Variants in NT5E observed in about 807,000 individuals in gnomAD.
NT5E encodes 5'-nucleotidase.
In NT5E, 53 loss-of-function variants were observed where a neutral mutation model predicts 55.1. That is an observed-to-expected ratio of 0.96 (90% CI 0.77 to 1.21). The LOEUF (loss-of-function observed/expected upper bound fraction) is 1.21. Ranked by LOEUF, NT5E falls within the 50% of genes most tolerant of loss-of-function variation. The probability of loss-of-function intolerance (pLI) is 0.00; values close to 1 mark genes in which losing one functional copy is unlikely to be tolerated. For missense variants in NT5E, 683 were observed against 724.3 expected (o/e 0.94, Z 0.65); for synonymous variants, 270 against 278.4 (o/e 0.97, Z 0.30).
rs117073563 is a variant in NT5E at position 85,460,711 on chromosome 6, A to C, written c.340-6349A>C. On this transcript the variant is annotated intron_variant, in intron 1 of 8. Transcript: ENST00000257770. The stretch of plus-strand genomic sequence containing the variant: ...TCTCCATTTACTCTTTTCACCTGTA[A>C]ATGAATGCTGCCGTTGGTATTGAGA... 5.9e-3 allele frequency among the ~76,000 whole-genome samples: 896 copies of C among 152,266 alleles called. 11 individuals carry two copies. The highest frequency in any genetic ancestry group is 8.4e-3 in the Non-Finnish European group (574 of 68,022).
At chr6:85,468,169 A>G (rs1021270600) in intron 2 of NT5E, among the ~76,000 whole-genome samples, 1 of 152,256 alleles carries the variant, frequency 6.6e-6, no homozygotes, top group African/African-American at 2.4e-5. Context: ...TCAAAAATAT[A>G]TATTTACTGT....
chr6:85,467,056 C>G lies in NT5E; in HGVS notation c.340-4C>G. On this transcript the variant is annotated splice_region_variant and splice_polypyrimidine_tract_variant and intron_variant, in intron 1 of 8. Coordinates refer to ENST00000257770, the MANE Select transcript of NT5E (RefSeq NM_002526.4). ...ATTCTTTTTCTCTTTTCTGTTTTAT[C>G]TAGGCACTGGGAAATCATGAATTTG... 1 of 1,612,908 alleles carries G rather than the reference C, an allele frequency of 6.2e-7. No homozygotes were observed. The highest frequency in any genetic ancestry group is 8.5e-7 in the Non-Finnish European group (1 of 1,178,940).
chr6:85,466,023 C>T (rs1040944583), intron 1 of NT5E, among the ~76,000 whole-genome samples: 10 of 152,146 alleles, frequency 6.6e-5, no homozygotes, highest in Non-Finnish European at 2.9e-5. Flanking sequence ...AGCAAACCAG[C>T]CTTGGCAGCC....
intron 2 of NT5E, among the ~76,000 whole-genome samples, chr6:85,470,690 C>G (rs958614319): frequency 6.6e-6 from 1 of 152,240 alleles, no homozygotes; most frequent in African/African-American, 2.4e-5. Flanking sequence ...GATCTGCCTG[C>G]TGCAGCCTCC....
At chr6:85,483,396 C>G (rs969684916) in intron 3 of NT5E, among the ~76,000 whole-genome samples, 1 of 152,306 alleles carries the variant, frequency 6.6e-6, no homozygotes, top group African/African-American at 2.4e-5. Context: ...AAAGGAGGAC[C>G]AACACATAGC....
chr6:85,468,940 G>A (rs1336760540), intron 2 of NT5E, among the ~76,000 whole-genome samples: 2 of 152,168 alleles, frequency 1.3e-5, no homozygotes, highest in Admixed American at 6.5e-5. Flanking sequence ...GCAGGGCCCA[G>A]TGTGGGGGGA....
At chr6:85,472,847 T>C (rs1385656386) in intron 3 of NT5E, among the ~76,000 whole-genome samples, 3 of 152,162 alleles carry the variant, frequency 2.0e-5, no homozygotes, top group African/African-American at 7.2e-5. Flanking sequence ...AGGAATAATT[T>C]CAAACTGAGT....
At chr6:85,469,737 A>G (rs974767200) in intron 2 of NT5E, among the ~76,000 whole-genome samples, 5 of 152,214 alleles carry the variant, frequency 3.3e-5, no homozygotes, top group African/African-American at 9.6e-5. Context: ...AACATTGCCT[A>G]TGAGTTACAG....
chr6:85,450,339 A>C lies in NT5E; in HGVS notation c.200A>C (p.Lys67Thr). 6.3e-7 allele frequency: 1 copy of C among 1,596,888 alleles called. No homozygotes were observed. The highest frequency in any genetic ancestry group is 1.1e-5 in the South Asian group (1 of 88,126). The change falls in exon 1 of 9, where the codon AAG (lysine) becomes ACG (threonine). Residue 67 changes from lysine (K) to threonine (T), a missense_variant. Lys to Thr is a moderately conservative substitution (Grantham distance 78, BLOSUM62 -1). Coordinates refer to ENST00000257770, the MANE Select transcript of NT5E (RefSeq NM_002526.4). This position sits in a 1 kb window ranked among gnomAD's most constrained non-coding sequence, Gnocchi z 4.0. ...CMGGVARLFTKVQQIRRAEPN... is the reference protein window; with the variant it reads ...CMGGVARLFTTVQQIRRAEPN... ...GGTGGCGTGGCTCGGCTCTTCACCA[A>C]GGTTCAGCAGATCCGCCGCGCCGAA...
intron 1 of NT5E, among the ~76,000 whole-genome samples, chr6:85,465,460 G>GA (rs1455990538): frequency 6.6e-6 from 1 of 152,056 alleles, no homozygotes; most frequent in East Asian, 1.9e-4. Context: ...AGAATAGAAG[G>GA]AAAAAATAAC....
chr6:85,452,573 G>C (rs1768904162), intron 1 of NT5E, among the ~76,000 whole-genome samples: 2 of 152,136 alleles, frequency 1.3e-5, no homozygotes, highest in Admixed American at 6.5e-5. Context: ...ATGTTGGCAG[G>C]GGGTAAAGAT....
chr6:85,459,710 G>C (rs888405574), intron 1 of NT5E, among the ~76,000 whole-genome samples: 1 of 152,146 alleles, frequency 6.6e-6, no homozygotes, highest in African/African-American at 2.4e-5. Context: ...AAATCCTGTT[G>C]TTATTGTTAA....
At chr6:85,462,983 G>A (rs886402677) in intron 1 of NT5E, among the ~76,000 whole-genome samples, 3 of 152,126 alleles carry the variant, frequency 2.0e-5, no homozygotes, top group African/African-American at 7.2e-5. Flanking sequence ...TACCTTACTG[G>A]CACTTGTTTG....
rs1225276732 is a variant in NT5E at position 85,485,176 on chromosome 6, T to C, written c.752-59T>C. ...TCATCCAGCCAGTAGCCCGCTGGCC[T>C]ACAGCCAGCCATGTATGTACAAGGG... On this transcript the variant is annotated intron_variant, in intron 3 of 8. Coordinates refer to ENST00000257770, the MANE Select transcript of NT5E (RefSeq NM_002526.4). The C allele has an allele frequency of 3.2e-6, 5 of 1,551,964 alleles. No individual in the cohort carries two copies. The East Asian group carries it at 1.1e-4, about 35-fold the overall frequency.
chr6:85,486,489 GC>G (rs879286374), intron 4 of NT5E, among the ~76,000 whole-genome samples: 10 of 151,582 alleles, frequency 6.6e-5, no homozygotes, highest in South Asian at 2.1e-4. Flanking sequence ...ATATGGACAG[GC>G]CCCCCCCATG....
intron 7 of NT5E, chr6:85,491,433 G>A (rs1262492555): frequency 3.3e-6 from 1 of 305,458 alleles, no homozygotes; most frequent in African/African-American, 2.2e-5. Flanking sequence ...GAGACTGAAG[G>A]GCTACAGAAG....
Position 85,480,660 on chromosome 6 carries a change from A to C in NT5E, c.752-4575A>C, listed in dbSNP as rs1378539641. 2.6e-5 allele frequency among the ~76,000 whole-genome samples: 4 copies of C among 152,194 alleles called. No individual in the cohort carries two copies. In the East Asian group the frequency reaches 7.7e-4, roughly 29 times the overall value. On this transcript the variant is annotated intron_variant, in intron 3 of 8. Coordinates refer to ENST00000257770, the MANE Select transcript of NT5E (RefSeq NM_002526.4). ...GGAGGGGCTCTGGTGGCAGGAACCT[A>C]GTCCTGGGTTCCAGCTCTACCAGGG...
chr6:85,492,266 A>T, intron 8 of NT5E, 89 bp downstream of exon 8: 2 of 1,207,498 alleles, frequency 1.7e-6, no homozygotes, highest in Non-Finnish European at 2.4e-6. Context: ...GGGCAAAGTG[A>T]CTCCCTGTAT....
At chr6:85,452,784 A>C (rs890739640) in intron 1 of NT5E, among the ~76,000 whole-genome samples, 2 of 152,132 alleles carry the variant, frequency 1.3e-5, no homozygotes, top group Non-Finnish European at 2.9e-5. Context: ...CCCTCAGAGA[A>C]TTTATTGCTG....
Sources: allele counts gnomAD v4.1 joint callset (sites outside exome capture counted in the v4.1 genomes callset), GRCh38; gene constraint gnomAD v4.1.1; non-coding constraint Gnocchi (gnomAD v3.1); transcripts MANE v1.5; gene names NCBI Gene and HGNC (gene_info 2026-07-23, HGNC 2026-07-21).